Variants in SLC24A2 observed in about 807,000 individuals in gnomAD.
SLC24A2 encodes the protein sodium/potassium/calcium exchanger 2.
Under a neutral mutation model 62.0 loss-of-function variants are expected in SLC24A2, and 36 were observed. The observed-to-expected ratio is 0.58, with a 90% CI of 0.44 to 0.77. The LOEUF is 0.77. Ranked by LOEUF, SLC24A2 falls within the 30% of genes least tolerant of loss-of-function variation. SLC24A2 has a pLI of 0.00. For synonymous variants in SLC24A2, 358 were observed against 294.0 expected (o/e 1.22, Z -2.23); for missense variants, 846 against 817.9 (o/e 1.03, Z -0.42).
rs911407248 is a variant in SLC24A2, at chr9:19,776,813, A to G, written c.930+9124T>C. Among the ~76,000 whole-genome samples, 58 of 152,300 alleles carry G rather than the reference A, an allele frequency of 3.8e-4. 1 individual carries two copies. The highest frequency in any genetic ancestry group is 1.3e-3 in the African/African-American group (52 of 41,562). On this transcript the variant is annotated intron_variant, in intron 2 of 10. Coordinates refer to ENST00000341998, the MANE Select transcript of SLC24A2 (RefSeq NM_020344.4). Reference sequence around the variant, plus strand: ...AGATTGCTGCTTTGGCCTGGTTAGAATATTCCACGTTGTAAATATTACAGC... The same window carrying G: ...AGATTGCTGCTTTGGCCTGGTTAGAGTATTCCACGTTGTAAATATTACAGC...
At chr9:20,027,317 T>C in the SLC24A2 span, among the ~76,000 whole-genome samples, 2 of 152,122 alleles carry the variant, frequency 1.3e-5, no homozygotes, top group Admixed American at 1.3e-4. Flanking sequence ...TTAAAGGAAA[T>C]GCAATCACTA....
At chr9:20,292,326 C>T in the SLC24A2 span, among the ~76,000 whole-genome samples, 8 of 152,066 alleles carry the variant, frequency 5.3e-5, no homozygotes, top group Middle Eastern at 6.8e-3. Context: ...CTAATAGTCT[C>T]GTTTTAAGTA....
intron 2 of SLC24A2, among the ~76,000 whole-genome samples, chr9:19,690,991 C>T (rs553903995): frequency 1.3e-5 from 2 of 152,066 alleles, no homozygotes; most frequent in Non-Finnish European, 2.9e-5. Flanking sequence ...GACAGTGTCA[C>T]ATTCAAACAA....
At chr9:20,234,355 C>G in the SLC24A2 span, among the ~76,000 whole-genome samples, 1 of 152,248 alleles carries the variant, frequency 6.6e-6, no homozygotes, top group East Asian at 1.9e-4. Context: ...CCGTCACTTT[C>G]AGATACACCA....
chr9:19,981,539 AT>A, the SLC24A2 span, among the ~76,000 whole-genome samples: 1 of 152,190 alleles, frequency 6.6e-6, no homozygotes, highest in Non-Finnish European at 1.5e-5. Context: ...CAGTAATTGT[AT>A]TTTTAAAAAT....
chr9:19,724,634 C>T (rs369837235), intron 2 of SLC24A2, among the ~76,000 whole-genome samples: 51 of 152,182 alleles, frequency 3.4e-4, no homozygotes, highest in South Asian at 8.3e-4. Context: ...CATTTGTAAA[C>T]GGAGAACATT....
At chr9:20,139,569 T>G in the SLC24A2 span, among the ~76,000 whole-genome samples, 3 of 152,256 alleles carry the variant, frequency 2.0e-5, no homozygotes, top group African/African-American at 7.2e-5. Flanking sequence ...TGTGTGCCTT[T>G]GCCTGTCATC....
At chr9:20,165,764 G>A in the SLC24A2 span, among the ~76,000 whole-genome samples, 75 of 151,936 alleles carry the variant, frequency 4.9e-4, no homozygotes, top group African/African-American at 1.4e-3. Context: ...CAAAATCCAC[G>A]TGTGACAATG....
At chr9:19,767,017 G>C (rs1207964898) in intron 2 of SLC24A2, among the ~76,000 whole-genome samples, 1 of 152,204 alleles carries the variant, frequency 6.6e-6, no homozygotes, top group Non-Finnish European at 1.5e-5. Flanking sequence ...TAGAGAGGCA[G>C]TCTGGCTACA....
the SLC24A2 span, among the ~76,000 whole-genome samples, chr9:20,031,301 T>C: frequency 1.4e-5 from 2 of 148,144 alleles, no homozygotes; most frequent in Non-Finnish European, 3.0e-5. Context: ...ATATATAAAA[T>C]ATATTTCTCT....
chr9:19,990,922 G>GATATATATATGTGTAT, the SLC24A2 span, among the ~76,000 whole-genome samples: 4 of 120,812 alleles, frequency 3.3e-5, no homozygotes, highest in African/African-American at 1.5e-4. Flanking sequence ...GGACTAATAG[G>GATATATATATGTGTAT]ATATATATAT....
intron 2 of SLC24A2, among the ~76,000 whole-genome samples, chr9:19,722,806 G>C (rs939440334): frequency 6.6e-6 from 1 of 152,120 alleles, no homozygotes; most frequent in Non-Finnish European, 1.5e-5. Flanking sequence ...CATATGTATT[G>C]TTGACTTTGG....
At chr9:19,518,957 G>C (rs1833063570) in intron 10 of SLC24A2, among the ~76,000 whole-genome samples, 2 of 152,074 alleles carry the variant, frequency 1.3e-5, no homozygotes, top group African/African-American at 2.4e-5. Context: ...CATTAATACT[G>C]CTTAAAGGAA....
At chr9:19,552,421 T>C (rs976832982) in intron 7 of SLC24A2, among the ~76,000 whole-genome samples, 1 of 152,220 alleles carries the variant, frequency 6.6e-6, no homozygotes, top group Non-Finnish European at 1.5e-5. Context: ...AATGAATGAC[T>C]TTCCCCTTAC....
the SLC24A2 span, among the ~76,000 whole-genome samples, chr9:19,829,632 G>A: frequency 9.2e-5 from 14 of 151,904 alleles, no homozygotes; most frequent in East Asian, 2.3e-3. Flanking sequence ...TCAGGAGGCT[G>A]TGGTGGGAAG....
In SLC24A2 at chr9:19,512,939, T is replaced by C. The variant is rs1322752052; in HGVS notation, c.*3214A>G. The C allele has an allele frequency of 6.6e-6, 1 of 151,856 alleles. No homozygotes were observed. The highest frequency in any genetic ancestry group is 1.5e-5 in the Non-Finnish European group (1 of 67,994). The allele number at this position is 151,856 out of a possible 1,614,324, so 9.4% of individuals were successfully genotyped here. A position where few individuals can be genotyped will look rare whatever the true frequency, so the allele number is the denominator to read the frequency against. The stretch of plus-strand genomic sequence containing the variant: ...TTGATATTCTTAGGGTGGGAAAATA[T>C]GGGTACATATGTGTATATTTGTAAA... On this transcript the variant is annotated 3_prime_UTR_variant, in exon 11 of 11. Coordinates refer to ENST00000341998, the MANE Select transcript of SLC24A2 (RefSeq NM_020344.4).
At chr9:19,685,630 T>C (rs1001154218) in intron 2 of SLC24A2, among the ~76,000 whole-genome samples, 3 of 151,736 alleles carry the variant, frequency 2.0e-5, no homozygotes, top group Admixed American at 1.3e-4. Flanking sequence ...CCCCAAACCA[T>C]CTGATATTCA....
intron 7 of SLC24A2, among the ~76,000 whole-genome samples, chr9:19,570,939 G>A (rs1174694663): frequency 6.6e-6 from 1 of 152,170 alleles, no homozygotes; most frequent in Admixed American, 6.5e-5. Flanking sequence ...TAGCAGGGTG[G>A]TGCACAAATC....
the SLC24A2 span, among the ~76,000 whole-genome samples, chr9:20,018,977 G>T: frequency 2.0e-5 from 3 of 151,662 alleles, no homozygotes; most frequent in Non-Finnish European, 4.4e-5. Context: ...GGTAGGAGGA[G>T]CATTTGAGCC....
Sources: gnomAD v4.1 joint callset for allele counts (sites outside exome capture counted in the v4.1 genomes callset) on GRCh38, gnomAD v4.1.1 for gene constraint, MANE v1.5 for transcripts, NCBI Gene and HGNC (gene_info 2026-07-23, HGNC 2026-07-21) for gene names.